EPS8: variants seen among roughly 807,000 people sequenced by gnomAD.
EPS8 encodes epidermal growth factor receptor kinase substrate 8.
A neutral mutation model predicts 103.8 loss-of-function variants in EPS8; 42 were observed. That is an observed-to-expected ratio of 0.40 (90% confidence interval 0.32 to 0.52). The LOEUF is 0.52. Among genes scored for constraint, EPS8 ranks in the 20% least tolerant of loss-of-function variants. EPS8 has a pLI of 0.40. For synonymous variants in EPS8, 344 were observed against 344.6 expected, an observed-to-expected ratio of 1.00 and a Z score of 0.02; for missense variants, 969 against 1,005.1, an observed-to-expected ratio of 0.96 and a Z score of 0.49.
chr12:15,642,714 G>C (rs140865927), intron 15 of EPS8, among the ~76,000 whole-genome samples: 1 of 152,048 alleles, frequency 6.6e-6, no homozygotes, highest in Non-Finnish European at 1.5e-5. Flanking sequence ...GAAATAGCAG[G>C]TAGAGACTAA....
chr12:15,708,672 T>G (rs924761029), intron 1 of EPS8, among the ~76,000 whole-genome samples: 3 of 152,164 alleles, frequency 2.0e-5, no homozygotes, highest in Non-Finnish European at 4.4e-5. Context: ...AAAGTGAAAT[T>G]TGCATTATGC....
intron 10 of EPS8, among the ~76,000 whole-genome samples, chr12:15,659,434 TG>T (rs1945566526): frequency 1.3e-5 from 2 of 152,278 alleles, no homozygotes; most frequent in Admixed American, 1.3e-4. Flanking sequence ...AAATTGATGT[TG>T]GCTATAAGCA....
intron 12 of EPS8, among the ~76,000 whole-genome samples, chr12:15,656,708 C>T (rs1445680325): frequency 4.6e-5 from 7 of 152,032 alleles, no homozygotes; most frequent in South Asian, 2.1e-4. Flanking sequence ...ATATACTCAA[C>T]GATCAATTCA....
chr12:15,687,946 T>C (rs1391487613), intron 1 of EPS8, among the ~76,000 whole-genome samples: 1 of 152,266 alleles, frequency 6.6e-6, no homozygotes, highest in East Asian at 1.9e-4. Context: ...AAATGCATTC[T>C]ATTGTCTTAA....
chr12:15,622,966 T>C (rs1457180649), intron 20 of EPS8, among the ~76,000 whole-genome samples, 192 bp downstream of exon 20: 1 of 152,186 alleles, frequency 6.6e-6, no homozygotes, highest in Non-Finnish European at 1.5e-5. Context: ...AAGCTTCACA[T>C]CATATGAGCA....
At position 15,751,963 on chromosome 12, in the gene EPS8, T is replaced by C. The variant is rs1195738517; in HGVS notation, c.-22+37198A>G. 6.6e-6 allele frequency among the ~76,000 whole-genome samples: 1 copy of C among 151,974 alleles called. No homozygotes were observed. Among genetic ancestry groups the C allele is most frequent in the Admixed American group, 6.6e-5 (1 of 15,260 alleles). ...TAGAAAATCAAGGAGGATTAAGAGA[T>C]TCTGGGCAGGTTTCTAAGGCCAAGG... is the stretch of plus-strand genomic sequence containing the variant. On this transcript the variant is annotated intron_variant, in intron 1 of 20. Transcript: ENST00000281172. The surrounding 1 kb of genome is among the most constrained non-coding windows in gnomAD (Gnocchi z 4.3).
chr12:15,641,502 C>A (rs966788534), intron 16 of EPS8, among the ~76,000 whole-genome samples: 1 of 151,460 alleles, frequency 6.6e-6, no homozygotes, highest in Non-Finnish European at 1.5e-5. Context: ...TAAAAAAAAA[C>A]CCACCCTGCC....
rs1256651141 is a variant in EPS8, at chr12:15,748,695, T to C, written c.-22+40466A>G. Among the ~76,000 whole-genome samples the C allele has an allele frequency of 2.0e-5, 3 of 152,158 alleles. No individual in the cohort carries two copies. Among genetic ancestry groups the C allele is most frequent in the Non-Finnish European group, 4.4e-5 (3 of 67,992 alleles). On this transcript the variant is annotated intron_variant, in intron 1 of 20. Transcript: ENST00000281172. This position sits in a 1 kb window ranked among gnomAD's most constrained non-coding sequence, Gnocchi z 4.8. Reference sequence around the variant, plus strand: ...TAGTTTAAAATGGAATAACTCTAGATAGAAAATTCTATTCTGCAACAAGTT... The same window carrying C: ...TAGTTTAAAATGGAATAACTCTAGACAGAAAATTCTATTCTGCAACAAGTT...
intron 3 of EPS8, among the ~76,000 whole-genome samples, chr12:15,672,099 AC>A (rs1301775392): frequency 1.3e-5 from 2 of 152,086 alleles, no homozygotes; most frequent in Admixed American, 6.6e-5. Context: ...TTTCCCAACA[AC>A]CTATTTTTTT....
At position 15,757,132 on chromosome 12, in the gene EPS8, C is replaced by G. The variant is rs1023704232; in HGVS notation, c.-22+32029G>C. On this transcript the variant is annotated intron_variant, in intron 1 of 20. Transcript: ENST00000281172. This position sits in a 1 kb window ranked among gnomAD's most constrained non-coding sequence, Gnocchi z 4.1. ...TGTCCCTAGTAACTGTAATAGAAAC[C>G]TAGAAATATTTATTAAATCAAGCTA... Among the ~76,000 whole-genome samples the G allele has an allele frequency of 6.6e-6, 1 of 152,000 alleles. No individual in the cohort carries two copies. The highest frequency in any genetic ancestry group is 6.6e-5 in the Admixed American group (1 of 15,264).
chr12:15,650,950 C>G lies in EPS8; in HGVS notation c.1307G>C (p.Gly436Ala). 1.9e-6 allele frequency: 3 copies of G among 1,614,098 alleles called. No individual in the cohort carries two copies. Among genetic ancestry groups the G allele is most frequent in the Non-Finnish European group, 2.5e-6 (3 of 1,179,984 alleles). ...AAAGTTCAGCATTGGGGGCTCCCAG[C>G]CATTGCGGAATCGTGGAACATATGG... ...IPPYVPRFRN[G>A]WEPPMLNFMG... Residue 436 changes from glycine (G) to alanine (A), a missense_variant, in exon 14 of 21, where the codon GGC becomes GCC. Physicochemically the swap from Gly to Ala is moderately conservative, Grantham distance 60 (BLOSUM62 0). Coordinates refer to ENST00000281172, the MANE Select transcript of EPS8 (RefSeq NM_004447.6).
At position 15,690,807 on chromosome 12, in the gene EPS8, C is replaced by T. The variant is rs1334712523; in HGVS notation, c.-21-7835G>A. 6.6e-6 allele frequency among the ~76,000 whole-genome samples: 1 copy of T among 152,136 alleles called. No individual in the cohort carries two copies. Among genetic ancestry groups the T allele is most frequent in the Non-Finnish European group, 1.5e-5 (1 of 68,028 alleles). On this transcript the variant is annotated intron_variant, in intron 1 of 20. Transcript: ENST00000281172. This position sits in a 1 kb window ranked among gnomAD's most constrained non-coding sequence, Gnocchi z 4.7. The stretch of plus-strand genomic sequence containing the variant: ...TGTTCCTTCTTCCTATTATCCTATG[C>T]CTCTTAACATTTTGCCCACAAAGAT...
At chr12:15,642,087 C>T (rs1004462259) in intron 15 of EPS8, among the ~76,000 whole-genome samples, 23 of 152,064 alleles carry the variant, frequency 1.5e-4, no homozygotes, top group African/African-American at 5.3e-4. Flanking sequence ...AATCCAGAAT[C>T]CAAGTCTATG....
At chr12:15,626,856 G>A (rs577401238) in intron 18 of EPS8, among the ~76,000 whole-genome samples, 6 of 151,864 alleles carry the variant, frequency 4.0e-5, no homozygotes, top group South Asian at 4.2e-4. Flanking sequence ...GCTTTCCCCC[G>A]CATCTCCACA....
At position 15,670,863 on chromosome 12, in the gene EPS8, C is replaced by T. The variant is rs77383735; in HGVS notation, c.197G>A (p.Arg66His). 1,092 of 1,606,960 alleles carry T rather than the reference C, an allele frequency of 6.8e-4. 2 individuals carry two copies. Among genetic ancestry groups the T allele is most frequent in the Middle Eastern group, 6.3e-3 (38 of 6,050 alleles). The change falls in exon 4 of 21, where the codon CGT (arginine) becomes CAT (histidine). Residue 66 changes from arginine to histidine, a missense_variant. Physicochemically the swap from Arg to His is conservative, Grantham distance 29. Transcript: ENST00000281172. Reference protein sequence around the residue: ...VSSVSDISQYRVEHLTTFVLD... With the variant: ...VSSVSDISQYHVEHLTTFVLD... ...AACACCAAAGCATCTTACTTCAACA[C>T]GGTATTGAGATATATCTGACACACT...
chr12:15,742,323 CCCA>C (rs1164909410), intron 1 of EPS8, among the ~76,000 whole-genome samples: 6 of 152,176 alleles, frequency 3.9e-5, no homozygotes, highest in African/African-American at 1.4e-4. Flanking sequence ...AGTTTACGGT[CCCA>C]CCAACAGTGT....
intron 1 of EPS8, among the ~76,000 whole-genome samples, chr12:15,729,378 C>T (rs1156579229): frequency 6.6e-6 from 1 of 152,188 alleles, no homozygotes; most frequent in Non-Finnish European, 1.5e-5. Flanking sequence ...CTCCTCATGG[C>T]ATTCCCATTC....
rs189003065 is a variant in EPS8, at chr12:15,699,297, A to G, written c.-21-16325T>C. Among the ~76,000 whole-genome samples, 3 of 152,368 alleles carry G rather than the reference A, an allele frequency of 2.0e-5. No homozygotes were observed. In the East Asian group the frequency reaches 5.8e-4, roughly 29 times the overall value. Reference sequence around the variant, plus strand: ...CCATAGTGAAAAGAAAATAGTATGAAGATGAGCAGCCCTAAGTGTAAATCC... The same window carrying G: ...CCATAGTGAAAAGAAAATAGTATGAGGATGAGCAGCCCTAAGTGTAAATCC... On this transcript the variant is annotated intron_variant, in intron 1 of 20. Coordinates refer to ENST00000281172, the MANE Select transcript of EPS8 (RefSeq NM_004447.6).
rs116547770 is a variant in EPS8 at position 15,740,887 on chromosome 12, G to A, written c.-22+48274C>T. 8.1e-3 allele frequency among the ~76,000 whole-genome samples: 1,229 copies of A among 152,300 alleles called. 17 individuals carry two copies. The highest frequency in any genetic ancestry group is 0.028 in the African/African-American group (1,145 of 41,578). ...CAACCATTAAGTTGAGTACATCTAC[G>A]TGGATTGGTAATGATAGAAAAAAGG... On this transcript the variant is annotated intron_variant, in intron 1 of 20. Coordinates refer to ENST00000281172, the MANE Select transcript of EPS8 (RefSeq NM_004447.6).
Sources: allele counts gnomAD v4.1 joint callset (sites outside exome capture counted in the v4.1 genomes callset), GRCh38; gene constraint gnomAD v4.1.1; non-coding constraint Gnocchi (gnomAD v3.1); transcripts MANE v1.5; gene names NCBI Gene and HGNC (gene_info 2026-07-23, HGNC 2026-07-21).